The following FAT1 variants were observed in gnomAD, a reference collection of about 807,000 sequenced individuals.
FAT1 encodes the protein FAT atypical cadherin 1.
Under a neutral mutation model 329.8 loss-of-function variants are expected in FAT1, and 171 were observed. That is an observed-to-expected ratio of 0.52 (90% CI 0.46 to 0.59). The LOEUF (loss-of-function observed/expected upper bound fraction) is 0.59, where lower values mean the gene tolerates loss of function less well. Ranked by LOEUF, FAT1 falls within the 20% of genes least tolerant of loss-of-function variation. FAT1 has a pLI of 0.00. For missense variants in FAT1, 5,672 were observed against 5,774.4 expected, an observed-to-expected ratio of 0.98 and a Z score of 0.57; for synonymous variants, 2,233 against 2,228.6, an observed-to-expected ratio of 1.00 and a Z score of -0.06.
chr4:186,695,760 AACACACACACACACAC>A (rs34932295), intron 2 of FAT1, among the ~76,000 whole-genome samples: 44 of 141,338 alleles, frequency 3.1e-4, no homozygotes, highest in East Asian at 2.5e-3. Context: ...TTATATATAA[AACACACACACACACAC>A]ACACACACAC....
Position 186,618,992 on chromosome 4 carries a change from C to T in FAT1, c.7594G>A (p.Val2532Ile), listed in dbSNP as rs1405935688. 1 of 1,613,868 alleles carries T rather than the reference C, an allele frequency of 6.2e-7. No homozygotes were observed. Among genetic ancestry groups the T allele is most frequent in the African/African-American group, 1.3e-5 (1 of 74,930 alleles). Residue 2532 changes from valine to isoleucine, a missense_variant, in exon 10 of 27, where the codon GTA becomes ATA. Physicochemically the swap from Val to Ile is conservative, Grantham distance 29. Around this residue, in one of 2 missense-constraint regions of FAT1, gnomAD observed 3,966 missense variants for 3,915.2 expected, o/e 1.01. Transcript: ENST00000441802. ...AATCTGTCTTTGGCAAAGTCATTTACAATATGGTAAGTAACGTGACCATAA... is the reference window on the plus strand; with the variant it reads ...AATCTGTCTTTGGCAAAGTCATTTATAATATGGTAAGTAACGTGACCATAA... ...GIYGHVTYHI[V>I]NDFAKDRFYI...
chr4:186,682,526 C>CAAAAAAAAAAAAA (rs10561120), intron 2 of FAT1, among the ~76,000 whole-genome samples: 1,484 of 119,320 alleles, frequency 0.012, 97 homozygotes, highest in African/African-American at 0.016. Flanking sequence ...GACTCTGTCT[C>CAAAAAAAAAAAAA]AAAAAAAAAA....
intron 9 of FAT1, among the ~76,000 whole-genome samples, chr4:186,625,584 C>T (rs538308803): frequency 6.6e-6 from 1 of 152,294 alleles, no homozygotes; most frequent in Admixed American, 6.5e-5. Flanking sequence ...ATATGTAGAG[C>T]TACAGACTTA....
In FAT1 at chr4:186,620,748, G is replaced by A. The variant is rs2126518695; in HGVS notation, c.5838C>T (p.Ser1946=). The change falls in exon 10 of 27, where the codon AGC becomes AGT. Residue 1946 remains serine, a synonymous_variant. Transcript: ENST00000441802. ...LTVQNTTQLR[S]RYELTVRASD... ...AAGCTCTAACGGTTAGCTCGTAGCGGCTTCTTAACTGAGTTGTGTTTTGGA... is the reference window on the plus strand; with the variant it reads ...AAGCTCTAACGGTTAGCTCGTAGCGACTTCTTAACTGAGTTGTGTTTTGGA... 1 of 1,614,018 alleles carries A rather than the reference G, an allele frequency of 6.2e-7. No individual in the cohort carries two copies. The highest frequency in any genetic ancestry group is 1.6e-4 in the Middle Eastern group (1 of 6,062).
At chr4:186,628,806 T>C (rs1263324431) in intron 7 of FAT1, 43 bp from the exon 8 acceptor site, 1 of 1,570,288 alleles carries the variant, frequency 6.4e-7, no homozygotes, top group East Asian at 2.2e-5. Context: ...TTTCCAATTA[T>C]GAATGTTTTA....
chr4:186,589,297 A>G (rs2126358986), intron 26 of FAT1, 77 bp from the exon 27 acceptor site: 1 of 1,442,578 alleles, frequency 6.9e-7, no homozygotes, highest in Non-Finnish European at 9.3e-7. Context: ...TCAGTGTATC[A>G]AAGACACAAA....
chr4:186,618,340 T>C lies in FAT1; in HGVS notation c.8246A>G (p.Glu2749Gly), dbSNP rs760489041. The change falls in exon 10 of 27, where the codon GAG becomes GGG. Residue 2749 changes from glutamate (E) to glycine (G), a missense_variant. Coordinates refer to ENST00000441802, the MANE Select transcript of FAT1 (RefSeq NM_005245.4). ...GCTCTGTCTGTCAATCACAAAGGAC[T>C]CATCCCTATTGCTTTCTGGAGTATT... ...KGNTPESNRD[E>G]SFVIDRQSGR... is the part of the protein sequence containing the mutation. The C allele has an allele frequency of 6.2e-7, 1 of 1,613,920 alleles. No homozygotes were observed. Among genetic ancestry groups the C allele is most frequent in the African/African-American group, 1.3e-5 (1 of 74,936 alleles).
intron 9 of FAT1, among the ~76,000 whole-genome samples, chr4:186,627,495 CG>C (rs1740370642): frequency 1.3e-5 from 2 of 152,112 alleles, no homozygotes; most frequent in South Asian, 4.2e-4. Flanking sequence ...CTCTGGGTCC[CG>C]GAACCGTCCA....
In FAT1 at chr4:186,601,279, C is replaced by T. The variant is rs1738802091; in HGVS notation, c.11630G>A (p.Ser3877Asn). ...TGTGGAGAAACATACCTCCAAGATG[C>T]TATAGTCAGTTCCTCGAGCATACAT... ...VVMYARGTDY[S>N]ILEIHHGRLQ... is the part of the protein sequence containing the mutation. Residue 3877 changes from serine (S) to asparagine (N), a missense_variant, in exon 21 of 27, where the codon AGC (serine) becomes AAC (asparagine). Around this residue, in one of 2 missense-constraint regions of FAT1, gnomAD observed 1,706 missense variants for 1,859.1 expected, o/e 0.92. Coordinates refer to ENST00000441802, the MANE Select transcript of FAT1 (RefSeq NM_005245.4). 6.3e-7 allele frequency: 1 copy of T among 1,594,400 alleles called. No homozygotes were observed. The highest frequency in any genetic ancestry group is 8.6e-7 in the Non-Finnish European group (1 of 1,164,764).
In FAT1 at chr4:186,707,213, C is replaced by T. The variant is rs1440833778; in HGVS notation, c.2615G>A (p.Ser872Asn). Reference sequence around the variant, plus strand: ...TGCGATGTTAACAACACCCGTCACGCTGTCAATTGAAAATGTGTCTGTGTC... The same window carrying T: ...TGCGATGTTAACAACACCCGTCACGTTGTCAATTGAAAATGTGTCTGTGTC... The part of the protein sequence containing the change: ...VTDTDTFSID[S>N]VTGVVNIARP... Residue 872 changes from serine (S) to asparagine (N), a missense_variant, in exon 2 of 27, where the codon AGC becomes AAC. Ser to Asn is a conservative substitution (Grantham distance 46, BLOSUM62 1). Around this residue, in one of 2 missense-constraint regions of FAT1, gnomAD observed 3,966 missense variants for 3,915.2 expected, o/e 1.01. Transcript: ENST00000441802. The T allele has an allele frequency of 1.2e-6, 2 of 1,613,802 alleles. No homozygotes were observed. Among genetic ancestry groups the T allele is most frequent in the East Asian group, 2.2e-5 (1 of 44,876 alleles).
chr4:186,664,212 A>T (rs1742323955), intron 2 of FAT1, among the ~76,000 whole-genome samples: 1 of 152,206 alleles, frequency 6.6e-6, no homozygotes, highest in African/African-American at 2.4e-5. Flanking sequence ...GGCTAAGGAA[A>T]GAAACTGCAA....
At chr4:186,630,825 G>C (rs1740548082) in intron 7 of FAT1, among the ~76,000 whole-genome samples, 1 of 152,154 alleles carries the variant, frequency 6.6e-6, no homozygotes, top group Non-Finnish European at 1.5e-5. Context: ...ATCTGCTCCA[G>C]AGGCCACGAT....
Position 186,600,380 on chromosome 4 carries a change from T to G in FAT1, c.11641-20A>C. On this transcript the variant is annotated intron_variant, in intron 21 of 26. Coordinates refer to ENST00000441802, the MANE Select transcript of FAT1 (RefSeq NM_005245.4). ...ATGAATCTAGGATAAAAGCAATGAC[T>G]GTTCACATTACTCTCATAGAACCTT... is the stretch of plus-strand genomic sequence containing the variant. The G allele has an allele frequency of 6.3e-7, 1 of 1,583,102 alleles. No individual in the cohort carries two copies.
chr4:186,648,272 T>C (rs577095283), intron 3 of FAT1, among the ~76,000 whole-genome samples: 10 of 152,208 alleles, frequency 6.6e-5, no homozygotes, highest in Non-Finnish European at 1.2e-4. Flanking sequence ...GGCATATTAC[T>C]CAAATAAATT....
rs769426137 is a variant in FAT1 at position 186,609,779 on chromosome 4, G to A, written c.10068+22C>T. 3.2e-6 allele frequency: 5 copies of A among 1,549,114 alleles called. No individual in the cohort carries two copies. The South Asian group carries it at 5.6e-5, about 17-fold the overall frequency. On this transcript the variant is annotated intron_variant, in intron 15 of 26. Coordinates refer to ENST00000441802, the MANE Select transcript of FAT1 (RefSeq NM_005245.4). Reference sequence around the variant, plus strand: ...ATCCAGAAGATACACAGTTTTCACTGTAATGGGGAAAAAATACACACCGTG... The same window carrying A: ...ATCCAGAAGATACACAGTTTTCACTATAATGGGGAAAAAATACACACCGTG...
intron 3 of FAT1, among the ~76,000 whole-genome samples, chr4:186,640,488 T>C (rs1192919582): frequency 1.3e-5 from 2 of 152,196 alleles, no homozygotes; most frequent in Non-Finnish European, 2.9e-5. Flanking sequence ...ATGACTTCTA[T>C]AACTATATTA....
At position 186,597,186 on chromosome 4, in the gene FAT1, A is replaced by C. The variant is rs760729090; in HGVS notation, c.12369-15T>G. 6 of 1,582,248 alleles carry C rather than the reference A, an allele frequency of 3.8e-6. No individual in the cohort carries two copies. In the East Asian group the frequency reaches 1.3e-4, roughly 36 times the overall value. ...CACTCTGACACCTGCCAAGGAAGTCAGGAATGAGGAGAGACCTCTGTAGCA... is the reference window on the plus strand; with the variant it reads ...CACTCTGACACCTGCCAAGGAAGTCCGGAATGAGGAGAGACCTCTGTAGCA... On this transcript the variant is annotated splice_polypyrimidine_tract_variant and intron_variant, in intron 24 of 26. Transcript: ENST00000441802.
At chr4:186,612,720 TAA>T (rs1192242214) in intron 13 of FAT1, among the ~76,000 whole-genome samples, 1 of 152,308 alleles carries the variant, frequency 6.6e-6, no homozygotes, top group Admixed American at 6.5e-5. Context: ...CAATTTTCTC[TAA>T]AAAAATTTTG....
At position 186,696,744 on chromosome 4, in the gene FAT1, C is replaced by T. The variant is rs575542887; in HGVS notation, c.3265+9819G>A. Among the ~76,000 whole-genome samples the T allele has an allele frequency of 3.9e-4, 59 of 152,354 alleles. 1 individual carries two copies. Among genetic ancestry groups the T allele is most frequent in the African/African-American group, 1.4e-3 (57 of 41,576 alleles). On this transcript the variant is annotated intron_variant, in intron 2 of 26. Coordinates refer to ENST00000441802, the MANE Select transcript of FAT1 (RefSeq NM_005245.4). ...AGTCCATTTAAATAAAAATTCTGGACTGGGCACAGTGGCTCACGCCTGTAA... is the reference window on the plus strand; with the variant it reads ...AGTCCATTTAAATAAAAATTCTGGATTGGGCACAGTGGCTCACGCCTGTAA...
Sources: gnomAD v4.1 joint callset for allele counts (sites outside exome capture counted in the v4.1 genomes callset) on GRCh38, gnomAD v4.1.1 for gene constraint, gnomAD v4.1.1 regional missense constraint, MANE v1.5 for transcripts, NCBI Gene and HGNC (gene_info 2026-07-23, HGNC 2026-07-21) for gene names.